The following DYM variants were observed in gnomAD, a reference collection of about 807,000 sequenced individuals.
The protein encoded by DYM is dyggve-Melchior-Clausen syndrome protein.
A neutral mutation model predicts 93.1 loss-of-function variants in DYM; 78 were observed. The observed-to-expected ratio is 0.84, with a 90% CI of 0.70 to 1.01. The LOEUF is 1.01. Among genes scored for constraint, DYM ranks in the 50% least tolerant of loss-of-function variants. The pLI, the probability that DYM is intolerant of heterozygous loss-of-function variation, is 0.00. For synonymous variants in DYM, 321 were observed against 319.7 expected, an observed-to-expected ratio of 1.00 and a Z score of -0.04; for missense variants, 789 against 845.0, an observed-to-expected ratio of 0.93 and a Z score of 0.82.
intron 13 of DYM, 87 bp downstream of exon 13, chr18:49,256,923 G>T: frequency 8.9e-7 from 1 of 1,125,858 alleles, no homozygotes; most frequent in Non-Finnish European, 1.3e-6. Context: ...GTCCTCACAG[G>T]TAACATTTAA....
chr18:49,118,721 T>C, intron 16 of DYM, 23 bp downstream of exon 16: 5 of 1,599,912 alleles, frequency 3.1e-6, no homozygotes, highest in Non-Finnish European at 4.3e-6. Context: ...AGAATCATAA[T>C]AAATGTCTTC....
intron 13 of DYM, among the ~76,000 whole-genome samples, chr18:49,252,486 A>G (rs2094313011): frequency 6.6e-6 from 1 of 152,142 alleles, no homozygotes; most frequent in Non-Finnish European, 1.5e-5. Flanking sequence ...AACTGCCCCC[A>G]TGATTTAATT....
chr18:49,123,829 A>G (rs2082583153), intron 15 of DYM, among the ~76,000 whole-genome samples: 1 of 152,204 alleles, frequency 6.6e-6, no homozygotes. Flanking sequence ...TTGAATTAGT[A>G]TAGAAGGAAG....
intron 13 of DYM, among the ~76,000 whole-genome samples, chr18:49,250,428 T>C (rs1440326781): frequency 6.6e-6 from 1 of 152,226 alleles, no homozygotes; most frequent in African/African-American, 2.4e-5. Flanking sequence ...TCTTCTAACA[T>C]GTAGCTTTCT....
chr18:49,134,905 G>A (rs2083688833), intron 15 of DYM, among the ~76,000 whole-genome samples: 1 of 152,086 alleles, frequency 6.6e-6, no homozygotes, highest in South Asian at 2.1e-4. Context: ...TCAGGAGTTC[G>A]AGACCAGCCT....
chr18:49,097,950 C>T (rs1037527101), intron 16 of DYM, among the ~76,000 whole-genome samples: 2 of 150,392 alleles, frequency 1.3e-5, no homozygotes, highest in Admixed American at 6.7e-5. Flanking sequence ...AAACTAATGG[C>T]TAAAATGATG....
At chr18:49,345,727 T>G (rs891355556) in intron 6 of DYM, among the ~76,000 whole-genome samples, 1 of 152,136 alleles carries the variant, frequency 6.6e-6, no homozygotes, top group African/African-American at 2.4e-5. Flanking sequence ...TGGATAAATT[T>G]AAATTATTCA....
chr18:49,350,747 A>G (rs1419937568), intron 6 of DYM, among the ~76,000 whole-genome samples: 1 of 150,396 alleles, frequency 6.6e-6, no homozygotes, highest in Admixed American at 6.6e-5. Context: ...AAAAAACAAG[A>G]AACACTTTTT....
At chr18:49,421,285 C>T (rs1261924489) in intron 2 of DYM, among the ~76,000 whole-genome samples, 2 of 152,256 alleles carry the variant, frequency 1.3e-5, no homozygotes, top group East Asian at 3.9e-4. Context: ...GCCAGGTGCC[C>T]CTCTGAGACG....
At chr18:49,282,236 T>G in intron 9 of DYM, 61 bp from the exon 10 acceptor site, 2 of 1,421,180 alleles carry the variant, frequency 1.4e-6, no homozygotes, top group East Asian at 4.8e-5. Flanking sequence ...AATAAAAATA[T>G]TGTTAAAGTA....
At chr18:49,226,188 C>T (rs573107257) in intron 13 of DYM, among the ~76,000 whole-genome samples, 14 of 152,086 alleles carry the variant, frequency 9.2e-5, no homozygotes, top group South Asian at 2.1e-4. Context: ...TCTAAAATTC[C>T]GAGACTGAAC....
intron 14 of DYM, among the ~76,000 whole-genome samples, chr18:49,198,519 T>C (rs2091698164): frequency 6.6e-6 from 1 of 151,808 alleles, no homozygotes; most frequent in South Asian, 2.1e-4. Flanking sequence ...TACAAAGAAC[T>C]CAAACAAATT....
intron 2 of DYM, among the ~76,000 whole-genome samples, chr18:49,429,946 A>G (rs1319654522): frequency 6.6e-6 from 1 of 152,226 alleles, no homozygotes; most frequent in Non-Finnish European, 1.5e-5. Flanking sequence ...GTAGTATGCT[A>G]CCATTTGTAT....
intron 16 of DYM, among the ~76,000 whole-genome samples, chr18:49,105,475 C>T (rs2080696246): frequency 1.3e-5 from 2 of 152,220 alleles, no homozygotes; most frequent in South Asian, 2.1e-4. Flanking sequence ...GCTCTTGCTT[C>T]TCTAGTTCTT....
At chr18:49,182,858 A>G (rs557929811) in intron 14 of DYM, among the ~76,000 whole-genome samples, 14 of 152,214 alleles carry the variant, frequency 9.2e-5, no homozygotes, top group African/African-American at 3.4e-4. Flanking sequence ...AGTGTCTCCA[A>G]AGTCCCTGTT....
intron 11 of DYM, among the ~76,000 whole-genome samples, chr18:49,267,419 C>G (rs2094588820): frequency 6.6e-6 from 1 of 152,082 alleles, no homozygotes; most frequent in African/African-American, 2.4e-5. Context: ...CACTATAATT[C>G]TCAATAACCA....
At chr18:49,092,664 C>T (rs2079152349) in intron 17 of DYM, among the ~76,000 whole-genome samples, 2 of 152,252 alleles carry the variant, frequency 1.3e-5, no homozygotes, top group Middle Eastern at 3.4e-3. Context: ...GTAAGAGATG[C>T]TTTGCTTGTA....
chr18:49,228,551 C>T (rs1328145052), intron 13 of DYM, among the ~76,000 whole-genome samples: 1 of 152,110 alleles, frequency 6.6e-6, no homozygotes, highest in African/African-American at 2.4e-5. Context: ...GAATAGAGAA[C>T]TAGAATAACA....
intron 17 of DYM, among the ~76,000 whole-genome samples, chr18:49,085,762 C>T (rs534936798): frequency 6.6e-5 from 10 of 152,026 alleles, no homozygotes; most frequent in East Asian, 5.8e-4. Flanking sequence ...CACCTGCCAC[C>T]GCGCCTGGCT....
Sources: allele counts gnomAD v4.1 joint callset (sites outside exome capture counted in the v4.1 genomes callset), GRCh38; gene constraint gnomAD v4.1.1; transcripts MANE v1.5; gene names NCBI Gene and HGNC (gene_info 2026-07-23, HGNC 2026-07-21).